The following DYM variants were observed in gnomAD, a reference collection of about 807,000 sequenced individuals.
DYM encodes dymeclin.
DYM carries 78 observed loss-of-function variants against 93.1 expected under a neutral mutation model. The ratio of observed to expected loss-of-function variants is 0.84; its 90% CI spans 0.70 to 1.01. The LOEUF is 1.01. Ranked by LOEUF, DYM falls within the 50% of genes least tolerant of loss-of-function variation. The pLI is 0.00. For missense variants in DYM, 789 were observed against 845.0 expected (o/e 0.93, Z 0.82); for synonymous variants, 321 against 319.7 (o/e 1.00, Z -0.04).
chr18:49,166,451 C>T (rs188563541), intron 14 of DYM, among the ~76,000 whole-genome samples: 14 of 152,070 alleles, frequency 9.2e-5, no homozygotes, highest in African/African-American at 3.1e-4. Context: ...GAAATGAACA[C>T]CCTTGTAAAT....
At chr18:49,161,038 C>T (rs2087045893) in intron 15 of DYM, among the ~76,000 whole-genome samples, 1 of 150,720 alleles carries the variant, frequency 6.6e-6, no homozygotes. Flanking sequence ...TTCATAAACC[C>T]ATTTGGAAAA....
intron 2 of DYM, among the ~76,000 whole-genome samples, chr18:49,425,144 T>C (rs2074140384): frequency 1.3e-5 from 2 of 152,152 alleles, no homozygotes; most frequent in South Asian, 2.1e-4. Flanking sequence ...CTTCAAACTA[T>C]ACTACAAGGC....
intron 2 of DYM, among the ~76,000 whole-genome samples, chr18:49,427,973 C>T (rs1026650085): frequency 6.6e-6 from 1 of 151,892 alleles, no homozygotes; most frequent in Non-Finnish European, 1.5e-5. Flanking sequence ...TGCCTGTGGT[C>T]CCAGCTACTC....
intron 1 of DYM, among the ~76,000 whole-genome samples, chr18:49,445,244 A>C (rs1030034044): frequency 9.9e-5 from 15 of 152,168 alleles, no homozygotes; most frequent in Admixed American, 2.6e-4. Context: ...CTTTAGATGA[A>C]ATGTCTACCA....
intron 13 of DYM, among the ~76,000 whole-genome samples, chr18:49,213,296 C>CTTT (rs36072258): frequency 1.4e-5 from 2 of 140,038 alleles, no homozygotes; most frequent in Non-Finnish European, 3.1e-5. Context: ...CTTTTTCTAA[C>CTTT]TTTTTTTTTT....
At chr18:49,129,060 G>A (rs185090009) in intron 15 of DYM, among the ~76,000 whole-genome samples, 2 of 151,610 alleles carry the variant, frequency 1.3e-5, no homozygotes, top group East Asian at 3.9e-4. Context: ...GGGAAGAAGA[G>A]TCAGTGATGC....
intron 14 of DYM, among the ~76,000 whole-genome samples, chr18:49,164,180 C>A (rs1359924636): frequency 6.6e-6 from 1 of 152,074 alleles, no homozygotes; most frequent in Admixed American, 6.5e-5. Flanking sequence ...GTGTGTTGGA[C>A]AAGATTATTT....
chr18:49,339,602 C>T (rs1347684735), intron 6 of DYM, among the ~76,000 whole-genome samples: 1 of 152,158 alleles, frequency 6.6e-6, no homozygotes, highest in Non-Finnish European at 1.5e-5. Flanking sequence ...TGACTCTTGC[C>T]AATAGCCAAG....
intron 6 of DYM, among the ~76,000 whole-genome samples, chr18:49,336,747 C>A (rs1599518165): frequency 6.6e-6 from 1 of 151,928 alleles, no homozygotes; most frequent in East Asian, 1.9e-4. Context: ...ATGAAGCTTA[C>A]AATTTAGTGG....
intron 5 of DYM, among the ~76,000 whole-genome samples, chr18:49,364,753 G>A (rs562246830): frequency 2.8e-4 from 42 of 152,208 alleles, no homozygotes; most frequent in African/African-American, 1.0e-3. Context: ...TTCCAGCAAT[G>A]CCAAGCTATC....
chr18:49,330,205 A>G (rs2063210006), intron 8 of DYM, among the ~76,000 whole-genome samples: 1 of 152,250 alleles, frequency 6.6e-6, no homozygotes, highest in African/African-American at 2.4e-5. Context: ...TTTAGGAAGA[A>G]AGCTGTGTAA....
intron 8 of DYM, among the ~76,000 whole-genome samples, chr18:49,325,100 TG>T (rs2062790685): frequency 6.6e-6 from 1 of 152,064 alleles, no homozygotes; most frequent in East Asian, 1.9e-4. Context: ...GGTGAGATAT[TG>T]GGGGGATTTG....
At chr18:49,365,522 T>A (rs1172026104) in intron 5 of DYM, among the ~76,000 whole-genome samples, 3 of 152,154 alleles carry the variant, frequency 2.0e-5, no homozygotes, top group Non-Finnish European at 4.4e-5. Context: ...CCAACATAAC[T>A]CAAGTTAACA....
intron 8 of DYM, among the ~76,000 whole-genome samples, chr18:49,299,959 C>CATAA (rs2060802116): frequency 6.7e-6 from 1 of 150,070 alleles, no homozygotes; most frequent in Admixed American, 6.6e-5. Flanking sequence ...AGGAGAATGG[C>CATAA]ATAAACCCGG....
chr18:49,203,472 G>T (rs1279317679), intron 14 of DYM, among the ~76,000 whole-genome samples: 1 of 148,684 alleles, frequency 6.7e-6, no homozygotes, highest in Non-Finnish European at 1.5e-5. Flanking sequence ...TGTGAAAGAA[G>T]TAGACATGGG....
intron 1 of DYM, among the ~76,000 whole-genome samples, chr18:49,455,928 AAC>A (rs1568478083): frequency 6.6e-6 from 1 of 151,964 alleles, no homozygotes; most frequent in East Asian, 1.9e-4. Context: ...CAGCCTGAGC[AAC>A]AGAGTCAGAC....
intron 1 of DYM, among the ~76,000 whole-genome samples, chr18:49,455,924 G>A (rs2082943403): frequency 6.6e-6 from 1 of 151,154 alleles, no homozygotes; most frequent in African/African-American, 2.4e-5. Flanking sequence ...ACTCCAGCCT[G>A]AGCAACAGAG....
At chr18:49,146,910 A>G (rs1220741095) in intron 15 of DYM, among the ~76,000 whole-genome samples, 3 of 152,212 alleles carry the variant, frequency 2.0e-5, no homozygotes, top group Non-Finnish European at 4.4e-5. Context: ...CCAAAAGAAC[A>G]AAGCTGGAGG....
chr18:49,158,780 A>C (rs1600222450), intron 15 of DYM, among the ~76,000 whole-genome samples: 1 of 152,106 alleles, frequency 6.6e-6, no homozygotes, highest in Admixed American at 6.6e-5. Flanking sequence ...CAGGGAGGGG[A>C]TGATTAAGGA....
Sources: gnomAD v4.1 joint callset for allele counts (sites outside exome capture counted in the v4.1 genomes callset) on GRCh38, gnomAD v4.1.1 for gene constraint, MANE v1.5 for transcripts, NCBI Gene and HGNC (gene_info 2026-07-23, HGNC 2026-07-21) for gene names.